The following NYAP2 variants were observed in gnomAD, a reference collection of about 807,000 sequenced individuals.
NYAP2 encodes the protein neuronal tyrosine-phosphorylated phosphoinositide-3-kinase adaptor 2.
In NYAP2, 23 loss-of-function variants were observed where a neutral mutation model predicts 50.4. The observed-to-expected ratio is 0.46, with a 90% confidence interval of 0.33 to 0.65. The LOEUF is 0.65. Ranked by LOEUF, NYAP2 falls within the 30% of genes least tolerant of loss-of-function variation. NYAP2 has a pLI of 0.02. For missense variants in NYAP2, 885 were observed against 861.0 expected, an observed-to-expected ratio of 1.03 and a Z score of -0.35; for synonymous variants, 394 against 365.2, an observed-to-expected ratio of 1.08 and a Z score of -0.90.
Position 225,609,343 on chromosome 2 carries a change from C to G in NYAP2, c.1619-17574C>G, listed in dbSNP as rs79225305. ...CTGATTATGAGGCCTTTTGTAAGAGCATAAATAGAGACCCTTACTTTTTGT... is the reference window on the plus strand; with the variant it reads ...CTGATTATGAGGCCTTTTGTAAGAGGATAAATAGAGACCCTTACTTTTTGT... On this transcript the variant is annotated intron_variant, in intron 5 of 6. Transcript: ENST00000636099. Among the ~76,000 whole-genome samples the G allele has an allele frequency of 3.8e-3, 583 of 152,216 alleles. 2 individuals carry two copies. Among genetic ancestry groups the G allele is most frequent in the South Asian group, 0.013 (63 of 4,830 alleles).
chr2:225,601,391 G>A (rs1003893173), intron 5 of NYAP2, among the ~76,000 whole-genome samples: 1 of 151,928 alleles, frequency 6.6e-6, no homozygotes, highest in East Asian at 1.9e-4. Flanking sequence ...CCATCCTCCC[G>A]GCCTCCCAAA....
At chr2:225,545,666 G>C (rs1691566574) in intron 4 of NYAP2, among the ~76,000 whole-genome samples, 1 of 152,072 alleles carries the variant, frequency 6.6e-6, no homozygotes, top group African/African-American at 2.4e-5. Context: ...TCAAATATCT[G>C]TGTTTCTCCA....
At chr2:225,622,127 G>T (rs979404896) in intron 5 of NYAP2, among the ~76,000 whole-genome samples, 1 of 152,122 alleles carries the variant, frequency 6.6e-6, no homozygotes, top group African/African-American at 2.4e-5. Context: ...GACCTCCCAA[G>T]GCTCAAACAA....
chr2:225,412,016 A>G (rs541874135), intron 3 of NYAP2, among the ~76,000 whole-genome samples: 170 of 149,434 alleles, frequency 1.1e-3, no homozygotes, highest in African/African-American at 4.1e-3. Flanking sequence ...ATATTATATT[A>G]TCATTTATAT....
At chr2:225,690,210 A>G in the NYAP2 span, among the ~76,000 whole-genome samples, 2 of 152,130 alleles carry the variant, frequency 1.3e-5, no homozygotes. Context: ...TGTTGCCTCT[A>G]TATGTTTCCA....
the NYAP2 span, among the ~76,000 whole-genome samples, chr2:225,683,712 C>T: frequency 6.6e-6 from 1 of 151,920 alleles, no homozygotes; most frequent in Non-Finnish European, 1.5e-5. Context: ...AATGGGTAAA[C>T]AGCATGAGAA....
At chr2:225,501,344 G>T (rs1009048315) in intron 3 of NYAP2, among the ~76,000 whole-genome samples, 10 of 152,284 alleles carry the variant, frequency 6.6e-5, no homozygotes, top group South Asian at 4.1e-4. Context: ...AATCAAGATG[G>T]TTACAAAGTT....
At chr2:225,445,276 C>T (rs540993403) in intron 3 of NYAP2, among the ~76,000 whole-genome samples, 1 of 152,070 alleles carries the variant, frequency 6.6e-6, no homozygotes, top group East Asian at 1.9e-4. Context: ...TGCTAAAGTA[C>T]ATAAAATTAT....
intron 5 of NYAP2, among the ~76,000 whole-genome samples, chr2:225,586,639 T>C (rs1692394241): frequency 2.0e-5 from 3 of 152,314 alleles, no homozygotes; most frequent in Middle Eastern, 3.4e-3. Context: ...CTACCTATCA[T>C]TTTCATCTTT....
At chr2:225,535,867 G>T (rs1224161646) in intron 4 of NYAP2, among the ~76,000 whole-genome samples, 1 of 152,076 alleles carries the variant, frequency 6.6e-6, no homozygotes, top group African/African-American at 2.4e-5. Flanking sequence ...CTTCCTTACT[G>T]GGAAAGATAG....
intron 5 of NYAP2, among the ~76,000 whole-genome samples, chr2:225,592,062 G>C (rs1281984337): frequency 1.3e-5 from 2 of 152,150 alleles, no homozygotes; most frequent in Non-Finnish European, 2.9e-5. Flanking sequence ...GCAAAAAGAT[G>C]TGAGTGCTCA....
chr2:225,683,043 C>T, the NYAP2 span, among the ~76,000 whole-genome samples: 1 of 152,050 alleles, frequency 6.6e-6, no homozygotes, highest in Non-Finnish European at 1.5e-5. Context: ...TACTACTCTT[C>T]CCAGTATTAT....
intron 6 of NYAP2, among the ~76,000 whole-genome samples, chr2:225,629,334 G>A (rs1053731378): frequency 4.6e-5 from 7 of 152,220 alleles, no homozygotes; most frequent in Non-Finnish European, 8.8e-5. Context: ...CTAGGTGAGG[G>A]TGATTTTCTT....
At chr2:225,420,693 C>T (rs1291257167) in intron 3 of NYAP2, among the ~76,000 whole-genome samples, 1 of 151,882 alleles carries the variant, frequency 6.6e-6, no homozygotes, top group African/African-American at 2.4e-5. Flanking sequence ...TCACTGCAAC[C>T]TCTACCTCCC....
intron 3 of NYAP2, among the ~76,000 whole-genome samples, chr2:225,501,523 G>C (rs924918402): frequency 9.9e-5 from 15 of 152,126 alleles, no homozygotes; most frequent in Non-Finnish European, 2.1e-4. Flanking sequence ...TAATGTGCCT[G>C]GGGTCACAAA....
intron 4 of NYAP2, among the ~76,000 whole-genome samples, chr2:225,514,201 G>A (rs1324182098): frequency 6.6e-6 from 1 of 152,060 alleles, no homozygotes; most frequent in East Asian, 1.9e-4. Context: ...TCTCAGCTAT[G>A]AAACATACAA....
chr2:225,403,630 A>G (rs1342064025), intron 2 of NYAP2, among the ~76,000 whole-genome samples: 2 of 152,094 alleles, frequency 1.3e-5, no homozygotes, highest in South Asian at 2.1e-4. Flanking sequence ...TAACCAAATT[A>G]ACAGAGGTGT....
chr2:225,513,282 T>G, intron 3 of NYAP2, 89 bp from the exon 4 acceptor site: 1 of 1,193,438 alleles, frequency 8.4e-7, no homozygotes, highest in South Asian at 1.5e-5. Flanking sequence ...GATTTGAAAT[T>G]TTCCCTATTA....
intron 5 of NYAP2, among the ~76,000 whole-genome samples, chr2:225,605,281 C>T (rs1357892724): frequency 6.6e-6 from 1 of 152,042 alleles, no homozygotes; most frequent in Non-Finnish European, 1.5e-5. Context: ...CCACACACTC[C>T]CACCTAAGAG....
Sources: allele counts gnomAD v4.1 joint callset (sites outside exome capture counted in the v4.1 genomes callset), GRCh38; gene constraint gnomAD v4.1.1; transcripts MANE v1.5; gene names NCBI Gene and HGNC (gene_info 2026-07-23, HGNC 2026-07-21).